Variants in HECW2 observed in about 807,000 individuals in gnomAD.
The protein encoded by HECW2 is E3 ubiquitin-protein ligase HECW2.
HECW2 carries 61 observed loss-of-function variants against 175.2 expected under a neutral mutation model. The ratio of observed to expected loss-of-function variants is 0.35; its 90% confidence interval spans 0.28 to 0.43. The LOEUF (loss-of-function observed/expected upper bound fraction) is 0.43. Among genes scored for constraint, HECW2 ranks in the 20% least tolerant of loss-of-function variants. The pLI is 1.00. For missense variants in HECW2, 1,524 were observed against 2,000.5 expected (o/e 0.76, Z 4.54); for synonymous variants, 671 against 731.0 (o/e 0.92, Z 1.32).
At chr2:196,331,226 A>G in intron 4 of HECW2, 1 of 985,046 alleles carries the variant, frequency 1.0e-6, no homozygotes, top group Admixed American at 6.1e-5. Context: ...CCTGGGTCAT[A>G]GAGTTGGCTC....
chr2:196,270,895 C>T (rs1689705627), intron 17 of HECW2, among the ~76,000 whole-genome samples: 2 of 152,026 alleles, frequency 1.3e-5, no homozygotes, highest in South Asian at 4.2e-4. Context: ...GGGGTTTCAC[C>T]ATGTTGGGCA....
Position 196,344,150 on chromosome 2 carries a change from A to G in HECW2, c.293-386T>C, listed in dbSNP as rs550171095. Among the ~76,000 whole-genome samples, 31 of 152,290 alleles carry G rather than the reference A, an allele frequency of 2.0e-4. No homozygotes were observed. In the South Asian group the frequency reaches 6.4e-3, roughly 32 times the overall value. On this transcript the variant is annotated intron_variant, in intron 2 of 28. Coordinates refer to ENST00000644978, the MANE Select transcript of HECW2 (RefSeq NM_001348768.2). ...AAAGGAAGAACAGACCTAGGAGAAT[A>G]TAACAGAATTCAAGATGGGATGAAC...
intron 2 of HECW2, among the ~76,000 whole-genome samples, chr2:196,345,425 G>A (rs1692919953): frequency 6.6e-6 from 1 of 152,212 alleles, no homozygotes; most frequent in Non-Finnish European, 1.5e-5. Flanking sequence ...TCTGCCCAGT[G>A]AAATGTAAGT....
intron 2 of HECW2, among the ~76,000 whole-genome samples, chr2:196,424,994 C>T (rs201490646): frequency 7.4e-5 from 2 of 27,022 alleles, no homozygotes; most frequent in Admixed American, 1.8e-3. Flanking sequence ...AACAGATTGA[C>T]TCTCTTGTTA....
chr2:196,336,790 A>G (rs886233932), intron 3 of HECW2, among the ~76,000 whole-genome samples: 3 of 152,152 alleles, frequency 2.0e-5, no homozygotes, highest in Non-Finnish European at 2.9e-5. Context: ...ACTAAGATCA[A>G]TGTATCTCGA....
intron 2 of HECW2, among the ~76,000 whole-genome samples, chr2:196,350,892 G>A (rs1693147601): frequency 1.3e-5 from 2 of 152,338 alleles, no homozygotes; most frequent in South Asian, 2.1e-4. Flanking sequence ...TAGGTTTAAA[G>A]TGTCTTTGGA....
intron 1 of HECW2, among the ~76,000 whole-genome samples, chr2:196,581,109 G>T (rs576143718): frequency 2.6e-5 from 4 of 152,296 alleles, no homozygotes; most frequent in Admixed American, 6.5e-5. Context: ...TAGAGTAGTG[G>T]TTAATAAGAG....
chr2:196,396,982 G>A (rs576123917), intron 2 of HECW2, among the ~76,000 whole-genome samples: 4 of 152,070 alleles, frequency 2.6e-5, no homozygotes, highest in East Asian at 1.9e-4. Context: ...GCGTGGTGGC[G>A]GGCACCTGTA....
intron 13 of HECW2, among the ~76,000 whole-genome samples, chr2:196,299,765 T>C (rs1690964216): frequency 6.6e-6 from 1 of 152,026 alleles, no homozygotes; most frequent in African/African-American, 2.4e-5. Context: ...CCGTCTCTAC[T>C]AAAAATACAA....
At chr2:196,368,443 T>C (rs1334879326) in intron 2 of HECW2, among the ~76,000 whole-genome samples, 1 of 152,240 alleles carries the variant, frequency 6.6e-6, no homozygotes, top group African/African-American at 2.4e-5. Context: ...CATTATTAAA[T>C]GTCTTGAGGT....
intron 21 of HECW2, among the ~76,000 whole-genome samples, chr2:196,233,392 T>C (rs1688128729): frequency 6.6e-6 from 1 of 152,218 alleles, no homozygotes; most frequent in African/African-American, 2.4e-5. Context: ...CCAAAATTTG[T>C]TAAAATAACA....
At chr2:196,421,136 A>C (rs886144135) in intron 2 of HECW2, among the ~76,000 whole-genome samples, 3 of 152,140 alleles carry the variant, frequency 2.0e-5, no homozygotes, top group African/African-American at 7.2e-5. Flanking sequence ...ACAACTCATC[A>C]TTTCCATTGA....
At chr2:196,207,479 A>G (rs1687111215) in intron 28 of HECW2, among the ~76,000 whole-genome samples, 1 of 152,214 alleles carries the variant, frequency 6.6e-6, no homozygotes, top group African/African-American at 2.4e-5. Context: ...AGAAATTCCT[A>G]TTAAGAGTAG....
chr2:196,340,294 T>C (rs1198142624), intron 3 of HECW2, among the ~76,000 whole-genome samples: 3 of 151,994 alleles, frequency 2.0e-5, no homozygotes, highest in South Asian at 2.1e-4. Flanking sequence ...AGCCAGACAA[T>C]GGGTTTTAAA....
chr2:196,210,396 C>G lies in HECW2; in HGVS notation c.4607+5469G>C, dbSNP rs78802991. Among the ~76,000 whole-genome samples, 556 of 151,978 alleles carry G rather than the reference C, an allele frequency of 3.7e-3. 4 individuals carry two copies. The highest frequency in any genetic ancestry group is 0.013 in the African/African-American group (525 of 41,402). The stretch of plus-strand genomic sequence containing the variant: ...TTTTTTTCCTTCAGAAATGGTATCT[C>G]TCTATGTTGCTCAGGTTTGACTCAA... On this transcript the variant is annotated intron_variant, in intron 28 of 28. Coordinates refer to ENST00000644978, the MANE Select transcript of HECW2 (RefSeq NM_001348768.2).
intron 1 of HECW2, among the ~76,000 whole-genome samples, chr2:196,571,429 C>G (rs981861622): frequency 1.3e-5 from 2 of 152,092 alleles, no homozygotes; most frequent in African/African-American, 4.8e-5. Context: ...CAAGTTGAGG[C>G]TGGGCGCAGT....
intron 1 of HECW2, among the ~76,000 whole-genome samples, chr2:196,479,172 C>T (rs1350943675): frequency 1.3e-5 from 2 of 152,206 alleles, no homozygotes; most frequent in Non-Finnish European, 2.9e-5. Flanking sequence ...GGGCCTTTCA[C>T]ACCACTTCTA....
Position 196,477,746 on chromosome 2 carries a change from T to C in HECW2, c.-35-44288A>G, listed in dbSNP as rs559327674. On this transcript the variant is annotated intron_variant, in intron 1 of 28. Transcript: ENST00000644978. The stretch of plus-strand genomic sequence containing the variant: ...GGGTACAAGGACCACCCCTGTCTTC[T>C]AGGAGTTAAACACCTCACAGAGAGG... 4.6e-5 allele frequency among the ~76,000 whole-genome samples: 7 copies of C among 152,286 alleles called. No individual in the cohort carries two copies. In the East Asian group the frequency reaches 1.3e-3, roughly 29 times the overall value.
intron 2 of HECW2, among the ~76,000 whole-genome samples, chr2:196,376,166 G>A (rs1267900374): frequency 1.3e-5 from 2 of 152,202 alleles, no homozygotes; most frequent in Non-Finnish European, 2.9e-5. Flanking sequence ...CAAACCAGAA[G>A]TGTGAAGTAC....
Sources: allele counts gnomAD v4.1 joint callset (sites outside exome capture counted in the v4.1 genomes callset), GRCh38; gene constraint gnomAD v4.1.1; transcripts MANE v1.5; gene names NCBI Gene and HGNC (gene_info 2026-07-23, HGNC 2026-07-21).